STAT4: variants seen among roughly 807,000 people sequenced by gnomAD.
STAT4 encodes signal transducer and activator of transcription 4.
Under a neutral mutation model 110.5 loss-of-function variants are expected in STAT4, and 42 were observed. That is an observed-to-expected ratio of 0.38 (90% CI 0.30 to 0.49). The LOEUF (loss-of-function observed/expected upper bound fraction) is 0.49, where lower values mean the gene tolerates loss of function less well. Ranked by LOEUF, STAT4 falls within the 20% of genes least tolerant of loss-of-function variation. STAT4 has a pLI of 0.95. For synonymous variants in STAT4, 284 were observed against 302.2 expected (o/e 0.94, Z 0.63); for missense variants, 632 against 887.9 (o/e 0.71, Z 3.66).
chr2:191,067,548 G>A (rs908910957), intron 6 of STAT4, among the ~76,000 whole-genome samples: 1 of 152,132 alleles, frequency 6.6e-6, no homozygotes, highest in African/African-American at 2.4e-5. Context: ...ATTAACCACT[G>A]CCTGAGCATT....
chr2:191,115,754 TC>T (rs764582407), intron 3 of STAT4, among the ~76,000 whole-genome samples: 27 of 152,180 alleles, frequency 1.8e-4, no homozygotes, highest in Admixed American at 3.9e-4. Context: ...CTGACCTCAG[TC>T]CTCAGAAATA....
chr2:191,115,530 G>C lies in STAT4; in HGVS notation c.273+31083C>G, dbSNP rs149734720. Among the ~76,000 whole-genome samples the C allele has an allele frequency of 1.1e-3, 172 of 152,296 alleles. 2 individuals are homozygous for C. Among genetic ancestry groups the C allele is most frequent in the African/African-American group, 3.9e-3 (163 of 41,576 alleles). On this transcript the variant is annotated intron_variant, in intron 3 of 23. Coordinates refer to ENST00000392320, the MANE Select transcript of STAT4 (RefSeq NM_003151.4). ...CTGTCAACCACGCTTCAATGCCTTG[G>C]AGAACTCTACTGTTTTGAAAACATC... is the stretch of plus-strand genomic sequence containing the variant.
chr2:191,121,521 C>A (rs762069721), intron 3 of STAT4, among the ~76,000 whole-genome samples: 1 of 152,070 alleles, frequency 6.6e-6, no homozygotes, highest in East Asian at 1.9e-4. Flanking sequence ...TGGAACCAAC[C>A]CAAATGTCCA....
At chr2:191,111,661 T>C (rs113089902) in intron 3 of STAT4, among the ~76,000 whole-genome samples, 5 of 152,302 alleles carry the variant, frequency 3.3e-5, no homozygotes, top group African/African-American at 1.2e-4. Context: ...GAGACCAGCC[T>C]GGGCAACATA....
In STAT4 at chr2:191,143,291, T is replaced by C. The variant is rs1199863871; in HGVS notation, c.273+3322A>G. 1.3e-5 allele frequency among the ~76,000 whole-genome samples: 2 copies of C among 152,220 alleles called. No individual in the cohort carries two copies. Among genetic ancestry groups the C allele is most frequent in the Non-Finnish European group, 2.9e-5 (2 of 68,042 alleles). On this transcript the variant is annotated intron_variant, in intron 3 of 23. Coordinates refer to ENST00000392320, the MANE Select transcript of STAT4 (RefSeq NM_003151.4). This position sits in a 1 kb window ranked among gnomAD's most constrained non-coding sequence, Gnocchi z 5.6. The stretch of plus-strand genomic sequence containing the variant: ...GTTTTAGAATCAATTATCTCCATAC[T>C]CCTAACATTTCTGTGAGGAAAGTAC...
chr2:191,068,962 AT>A (rs1356615207), intron 6 of STAT4, among the ~76,000 whole-genome samples: 1 of 152,132 alleles, frequency 6.6e-6, no homozygotes, highest in South Asian at 2.1e-4. Context: ...AAATAGTAAA[AT>A]AAATTGCAGT....
rs1268087760 is a variant in STAT4 at position 191,031,065 on chromosome 2, T to C, written c.2127A>G (p.Thr709=). Residue 709 remains threonine, a synonymous_variant, in exon 23 of 24, where the codon ACA becomes ACG. Coordinates refer to ENST00000392320, the MANE Select transcript of STAT4 (RefSeq NM_003151.4). This position sits in a 1 kb window ranked among gnomAD's most constrained non-coding sequence, Gnocchi z 4.8. ...GAAGGTCTGATGGAGAATGTGGCTC[T>C]GTTGAATCACTTCGGCTTAAAGAGA... The part of the protein sequence containing the change: ...IPISTIRSDS[T]EPHSPSDLLP... The C allele has an allele frequency of 1.9e-6, 3 of 1,613,990 alleles. No homozygotes were observed. The highest frequency in any genetic ancestry group is 2.5e-6 in the Non-Finnish European group (3 of 1,179,828).
At chr2:191,106,423 G>C (rs2125347930) in intron 3 of STAT4, among the ~76,000 whole-genome samples, 1 of 152,076 alleles carries the variant, frequency 6.6e-6, no homozygotes, top group South Asian at 2.1e-4. Context: ...ACTTTGGAAT[G>C]CTGAGGTGAG....
Position 191,150,940 on chromosome 2 carries a change from C to CACTT in STAT4, c.-2+3_-2+6dup. 1 of 985,694 alleles carries CACTT rather than the reference C, an allele frequency of 1.0e-6. No individual in the cohort carries two copies. The highest frequency in any genetic ancestry group is 1.2e-6 in the Non-Finnish European group (1 of 830,070). The allele number at this position is 985,694 out of a possible 1,614,324, so 61.1% of individuals were successfully genotyped here. A position where few individuals can be genotyped will look rare whatever the true frequency, so the allele number is the denominator to read the frequency against. ...AGGCAGCCAGAAGGTGTGGTCTGGC[C>CACTT]ACTTACCTAGCGCTCTCTCAGCACA... On this transcript the variant is annotated splice_region_variant and intron_variant, in intron 1 of 23. Transcript: ENST00000392320. The surrounding 1 kb of genome is among the most constrained non-coding windows in gnomAD (Gnocchi z 6.4).
chr2:191,047,355 T>C (rs1001724488), intron 14 of STAT4, among the ~76,000 whole-genome samples: 1 of 152,212 alleles, frequency 6.6e-6, no homozygotes, highest in Non-Finnish European at 1.5e-5. Context: ...GAGGGAATTG[T>C]GGGAACCCTC....
At chr2:191,036,749 A>C (rs866886174) in intron 16 of STAT4, among the ~76,000 whole-genome samples, 1 of 152,176 alleles carries the variant, frequency 6.6e-6, no homozygotes, top group Non-Finnish European at 1.5e-5. Context: ...CTTCTGTCCT[A>C]TACTCCTCAG....
chr2:191,069,554 A>G, intron 6 of STAT4, 139 bp downstream of exon 6: 3 of 670,110 alleles, frequency 4.5e-6, no homozygotes, highest in Non-Finnish European at 2.6e-6. Flanking sequence ...AGGAAGAAGC[A>G]AAACAAGAAA....
At chr2:191,123,486 T>C (rs1254998962) in intron 3 of STAT4, among the ~76,000 whole-genome samples, 1 of 152,206 alleles carries the variant, frequency 6.6e-6, no homozygotes, top group African/African-American at 2.4e-5. Context: ...TTCTCTCACA[T>C]GTACCATATT....
intron 3 of STAT4, among the ~76,000 whole-genome samples, chr2:191,119,467 T>C (rs1357463830): frequency 1.3e-5 from 2 of 152,330 alleles, no homozygotes; most frequent in Admixed American, 6.5e-5. Context: ...TTATGGTACA[T>C]TCATAAGACA....
intron 3 of STAT4, among the ~76,000 whole-genome samples, chr2:191,128,527 T>C: frequency 6.6e-6 from 1 of 152,224 alleles, no homozygotes; most frequent in East Asian, 1.9e-4. Flanking sequence ...TCGTGGGATA[T>C]TCAGAACTGA....
At chr2:191,136,024 C>CAAAAAAAAAAAAAAAAAA (rs1699173501) in intron 3 of STAT4, among the ~76,000 whole-genome samples, 6 of 43,776 alleles carry the variant, frequency 1.4e-4, no homozygotes, top group African/African-American at 3.2e-4. Context: ...AAAAAAAAAC[C>CAAAAAAAAAAAAAAAAAA]AAAAAACAAA....
intron 13 of STAT4, among the ~76,000 whole-genome samples, chr2:191,055,388 T>C: frequency 1.2e-5 from 1 of 81,684 alleles, no homozygotes; most frequent in East Asian, 3.9e-4. Flanking sequence ...TTTTTTTTTT[T>C]TTTTGTATTT....
chr2:191,054,815 T>C (rs1254353623), intron 13 of STAT4, among the ~76,000 whole-genome samples: 1 of 152,208 alleles, frequency 6.6e-6, no homozygotes, highest in African/African-American at 2.4e-5. Flanking sequence ...TGCTGGGAAC[T>C]TTCAGAATCT....
At chr2:191,071,222 T>C (rs966842726) in intron 5 of STAT4, among the ~76,000 whole-genome samples, 2 of 152,160 alleles carry the variant, frequency 1.3e-5, no homozygotes, top group South Asian at 2.1e-4. Flanking sequence ...CCCAAAGTCA[T>C]ATAATAATAC....
Sources: allele counts gnomAD v4.1 joint callset (sites outside exome capture counted in the v4.1 genomes callset), GRCh38; gene constraint gnomAD v4.1.1; non-coding constraint Gnocchi (gnomAD v3.1); transcripts MANE v1.5; gene names NCBI Gene and HGNC (gene_info 2026-07-23, HGNC 2026-07-21).